Variants in GBE1 observed in about 807,000 individuals in gnomAD.
GBE1 encodes the protein 1,4-alpha-glucan branching enzyme 1.
Under a neutral mutation model 88.8 loss-of-function variants are expected in GBE1, and 70 were observed. The ratio of observed to expected loss-of-function variants is 0.79; its 90% CI spans 0.65 to 0.96. The LOEUF is 0.96. Ranked by LOEUF, GBE1 falls within the 40% of genes least tolerant of loss-of-function variation. GBE1 has a pLI of 0.00. For synonymous variants in GBE1, 284 were observed against 300.1 expected (o/e 0.95, Z 0.56); for missense variants, 872 against 871.0 (o/e 1.00, Z -0.01).
At chr3:81,604,538 C>T (rs1005152819) in intron 7 of GBE1, among the ~76,000 whole-genome samples, 8 of 151,818 alleles carry the variant, frequency 5.3e-5, no homozygotes, top group Admixed American at 1.3e-4. Flanking sequence ...CTGCCCACCT[C>T]GGTCTCCCAA....
intron 1 of GBE1, among the ~76,000 whole-genome samples, chr3:81,746,318 A>G (rs1469125664): frequency 6.6e-6 from 1 of 152,134 alleles, no homozygotes; most frequent in African/African-American, 2.4e-5. Flanking sequence ...GGGGGAGTGC[A>G]GTGGCACAAT....
At chr3:81,606,195 C>A (rs1024431258) in intron 7 of GBE1, among the ~76,000 whole-genome samples, 2 of 152,190 alleles carry the variant, frequency 1.3e-5, no homozygotes, top group Non-Finnish European at 2.9e-5. Context: ...CTCCCCAAAA[C>A]ATCAAGATAT....
Position 81,733,187 on chromosome 3 carries a change from C to A in GBE1, c.144-27574G>T, listed in dbSNP as rs1363463503. ...CCATAGCAGAATCTAACAGGGTTCA[C>A]ATAGAACCCTACTGTGAACTGCACA... On this transcript the variant is annotated intron_variant, in intron 1 of 15. Coordinates refer to ENST00000429644, the MANE Select transcript of GBE1 (RefSeq NM_000158.4). This position sits in a 1 kb window ranked among gnomAD's most constrained non-coding sequence, Gnocchi z 4.0. 6.6e-6 allele frequency among the ~76,000 whole-genome samples: 1 copy of A among 152,056 alleles called. No individual in the cohort carries two copies. The highest frequency in any genetic ancestry group is 2.4e-5 in the African/African-American group (1 of 41,404).
At chr3:81,603,527 C>T (rs1206569021) in intron 7 of GBE1, among the ~76,000 whole-genome samples, 1 of 152,020 alleles carries the variant, frequency 6.6e-6, no homozygotes, top group African/African-American at 2.4e-5. Flanking sequence ...TTGAGACAGT[C>T]TCTCTCTGTC....
intron 12 of GBE1, among the ~76,000 whole-genome samples, chr3:81,565,476 T>C (rs1703479358): frequency 6.6e-6 from 1 of 152,160 alleles, no homozygotes; most frequent in African/African-American, 2.4e-5. Flanking sequence ...GATCACACAT[T>C]TTATACTGAA....
chr3:81,743,205 G>A (rs907085185), intron 1 of GBE1, among the ~76,000 whole-genome samples: 1 of 152,084 alleles, frequency 6.6e-6, no homozygotes, highest in Non-Finnish European at 1.5e-5. Flanking sequence ...ATGAGAGCAG[G>A]AAAACAACAT....
At chr3:81,603,359 G>C (rs1440811628) in intron 7 of GBE1, among the ~76,000 whole-genome samples, 1 of 151,986 alleles carries the variant, frequency 6.6e-6, no homozygotes, top group Non-Finnish European at 1.5e-5. Context: ...CACTGAATTA[G>C]AAGTCAAGAA....
chr3:81,631,525 A>G (rs529731455), intron 7 of GBE1, among the ~76,000 whole-genome samples: 2 of 152,094 alleles, frequency 1.3e-5, no homozygotes, highest in East Asian at 3.9e-4. Flanking sequence ...TCACAAGGTC[A>G]GGAGATCGAA....
At chr3:81,531,536 T>C (rs564166056) in intron 14 of GBE1, among the ~76,000 whole-genome samples, 2 of 152,000 alleles carry the variant, frequency 1.3e-5, no homozygotes, top group Admixed American at 1.3e-4. Flanking sequence ...TCCTCCGTCA[T>C]TAATTAAAGA....
chr3:81,683,001 T>C (rs1045543597), intron 2 of GBE1, among the ~76,000 whole-genome samples: 10 of 152,164 alleles, frequency 6.6e-5, no homozygotes, highest in African/African-American at 2.4e-4. Flanking sequence ...AAAAAACACA[T>C]ATTATATGAT....
At chr3:81,704,376 T>C (rs1009784397) in intron 2 of GBE1, among the ~76,000 whole-genome samples, 3 of 152,058 alleles carry the variant, frequency 2.0e-5, no homozygotes, top group African/African-American at 2.4e-5. Context: ...TTTATACATG[T>C]ACAGTTCTAT....
chr3:81,628,813 T>C (rs942062315), intron 7 of GBE1, among the ~76,000 whole-genome samples: 6 of 137,188 alleles, frequency 4.4e-5, no homozygotes, highest in Admixed American at 1.5e-4. Context: ...AATTATTTAT[T>C]TCATCTTAAT....
Position 81,761,342 on chromosome 3 carries a change from G to A in GBE1, c.143+33C>T, listed in dbSNP as rs770519756. The A allele has an allele frequency of 3.0e-5, 48 of 1,590,020 alleles. 1 individual carries two copies. The highest frequency in any genetic ancestry group is 2.1e-4 in the East Asian group (9 of 43,210). On this transcript the variant is annotated intron_variant, in intron 1 of 15. Transcript: ENST00000429644. ...ACGGCTCCTGGGAGGCGGGCTGCCT[G>A]TCTAAGTGGGGGTGGTGGGATTCCG...
Position 81,578,089 on chromosome 3 carries a change from A to G in GBE1, c.1454T>C (p.Val485Ala), listed in dbSNP as rs771241994. ...AYAESHDQALVGDKSLAFWLM... is the reference protein window; with the variant it reads ...AYAESHDQALAGDKSLAFWLM... ...CCAAAATGCCAGCGACTTATCCCCA[A>G]CCAATGCCTACAGAAATAAAAGTAA... The change falls in exon 12 of 16, where the codon GTT becomes GCT. Residue 485 changes from valine (V) to alanine (A), a missense_variant. Transcript: ENST00000429644. The G allele has an allele frequency of 5.6e-6, 9 of 1,595,656 alleles. No individual in the cohort carries two copies. In the South Asian group the frequency reaches 6.9e-5, roughly 12 times the overall value.
chr3:81,661,328 G>A (rs1268036037), intron 3 of GBE1, among the ~76,000 whole-genome samples: 3 of 151,982 alleles, frequency 2.0e-5, no homozygotes, highest in African/African-American at 7.2e-5. Flanking sequence ...TTACATTAAG[G>A]GATCAATCAG....
At chr3:81,761,227 C>G in intron 1 of GBE1, 148 bp downstream of exon 1, 1 of 1,045,748 alleles carries the variant, frequency 9.6e-7, no homozygotes, top group South Asian at 1.6e-5. Context: ...ACCCGGTTAC[C>G]CGAGTCACCC....
At chr3:81,499,023 T>G in intron 15 of GBE1, 87 bp downstream of exon 15, 1 of 766,114 alleles carries the variant, frequency 1.3e-6, no homozygotes, top group Non-Finnish European at 2.2e-6. Flanking sequence ...TGTTGCTTAT[T>G]TGAAGAGTTG....
At chr3:81,629,152 G>A (rs57744320) in intron 7 of GBE1, among the ~76,000 whole-genome samples, 10,820 of 142,284 alleles carry the variant, frequency 0.076, 761 homozygotes, top group African/African-American at 0.19. Flanking sequence ...AGCATTAGGT[G>A]TATCTCCCAA....
chr3:81,654,192 T>C (rs114549646), intron 3 of GBE1, among the ~76,000 whole-genome samples: 1 of 152,242 alleles, frequency 6.6e-6, no homozygotes, highest in African/African-American at 2.4e-5. Flanking sequence ...AATAATTTAA[T>C]AAAAGAAACT....
Sources: gnomAD v4.1 joint callset for allele counts (sites outside exome capture counted in the v4.1 genomes callset) on GRCh38, gnomAD v4.1.1 for gene constraint, Gnocchi (gnomAD v3.1) non-coding constraint, MANE v1.5 for transcripts, NCBI Gene and HGNC (gene_info 2026-07-23, HGNC 2026-07-21) for gene names.